Variants in ANXA2 observed in about 807,000 individuals in gnomAD.
ANXA2 encodes annexin A2, also known as annexin II.
ANXA2 carries 28 observed loss-of-function variants against 47.3 expected under a neutral mutation model. The observed-to-expected ratio is 0.59, with a 90% CI of 0.44 to 0.81. The LOEUF (loss-of-function observed/expected upper bound fraction) is 0.81, where lower values mean the gene tolerates loss of function less well. Ranked by LOEUF, ANXA2 falls within the 40% of genes least tolerant of loss-of-function variation. The probability of loss-of-function intolerance (pLI) is 0.00; values close to 1 mark genes in which losing one functional copy is unlikely to be tolerated. For missense variants in ANXA2, 384 were observed against 414.3 expected (o/e 0.93, Z 0.64); for synonymous variants, 172 against 155.5 (o/e 1.11, Z -0.79).
chr15:60,354,006 G>C (rs867200460), intron 8 of ANXA2, 148 bp downstream of exon 8: 5 of 616,896 alleles, frequency 8.1e-6, no homozygotes, highest in South Asian at 2.7e-5. Context: ...CTCAATTCCT[G>C]ACACACAGAA....
At chr15:60,393,412 A>AT (rs2063040213) in intron 1 of ANXA2, 1 of 1,009,690 alleles carries the variant, frequency 9.9e-7, no homozygotes, top group Non-Finnish European at 1.2e-6. Context: ...TATGGCCCAC[A>AT]TATTGTATTT....
chr15:60,355,755 A>C (rs1465405773), intron 7 of ANXA2, 164 bp downstream of exon 7: 1 of 712,364 alleles, frequency 1.4e-6, no homozygotes. Context: ...CCTATTATAC[A>C]AAATTGACAA....
chr15:60,389,503 T>A (rs1443982650), intron 1 of ANXA2, among the ~76,000 whole-genome samples: 1 of 152,206 alleles, frequency 6.6e-6, no homozygotes, highest in Non-Finnish European at 1.5e-5. Context: ...GATAGGCTTC[T>A]TTACACTCTC....
At chr15:60,382,481 T>A in intron 2 of ANXA2, 40 bp from the exon 3 acceptor site, 2 of 1,382,712 alleles carry the variant, frequency 1.4e-6, no homozygotes, top group Non-Finnish European at 2.1e-6. Flanking sequence ...GACACACATT[T>A]AAAATCCTCT....
At chr15:60,372,686 T>A (rs1020053949) in intron 3 of ANXA2, among the ~76,000 whole-genome samples, 24 of 150,732 alleles carry the variant, frequency 1.6e-4, no homozygotes, top group African/African-American at 4.6e-4. Flanking sequence ...AGCTCAACAA[T>A]CTTTCCTTTT....
intron 1 of ANXA2, among the ~76,000 whole-genome samples, chr15:60,389,598 T>C (rs1251645439): frequency 6.6e-6 from 1 of 152,242 alleles, no homozygotes; most frequent in African/African-American, 2.4e-5. Context: ...GGTTTCACCA[T>C]TCATAACTGT....
Position 60,364,535 on chromosome 15 carries a change from C to T in ANXA2, c.149-12G>A. On this transcript the variant is annotated splice_polypyrimidine_tract_variant and intron_variant, in intron 3 of 12. Transcript: ENST00000451270. ...GACCTCATCCACACCTATGGAAATA[C>T]AAGTTGTTAATCGTTACTCAGTATA... The T allele has an allele frequency of 6.2e-7, 1 of 1,602,808 alleles. No individual in the cohort carries two copies. Among genetic ancestry groups the T allele is most frequent in the Non-Finnish European group, 8.5e-7 (1 of 1,175,670 alleles).
chr15:60,356,407 AACT>A (rs1342935474), intron 6 of ANXA2, among the ~76,000 whole-genome samples: 2 of 152,150 alleles, frequency 1.3e-5, no homozygotes, highest in South Asian at 2.1e-4. Context: ...CAGCGGCAAA[AACT>A]ACTAAGAATT....
intron 12 of ANXA2, 133 bp from the exon 13 acceptor site, chr15:60,347,822 C>T: frequency 1.2e-6 from 1 of 801,614 alleles, no homozygotes; most frequent in Non-Finnish European, 2.0e-6. Flanking sequence ...GAGACCTGCC[C>T]TGATACAAAG....
chr15:60,357,659 A>G (rs991722183), intron 5 of ANXA2, among the ~76,000 whole-genome samples: 75 of 152,142 alleles, frequency 4.9e-4, no homozygotes, highest in African/African-American at 1.8e-3. Flanking sequence ...TGGGCATGGT[A>G]GCGGGCGCCT....
At chr15:60,349,333 A>G (rs890403536) in intron 11 of ANXA2, 136 bp from the exon 12 acceptor site, 10 of 831,322 alleles carry the variant, frequency 1.2e-5, no homozygotes, top group Non-Finnish European at 1.3e-5. Flanking sequence ...CAGTGCCGAC[A>G]TGATGCCACA....
intron 1 of ANXA2, chr15:60,393,035 A>G: frequency 7.8e-7 from 1 of 1,287,702 alleles, no homozygotes; most frequent in Admixed American, 2.3e-5. Context: ...TATTTATCAG[A>G]ACCTTTTTGA....
At chr15:60,382,283 A>G in intron 3 of ANXA2, 59 bp downstream of exon 3, 1 of 1,354,858 alleles carries the variant, frequency 7.4e-7, no homozygotes, top group Non-Finnish European at 1.1e-6. Flanking sequence ...GAGAATAAAG[A>G]GACAACCAAA....
At chr15:60,386,154 A>T in intron 1 of ANXA2, 68 bp from the exon 2 acceptor site, 1 of 1,067,632 alleles carries the variant, frequency 9.4e-7, no homozygotes, top group Non-Finnish European at 1.4e-6. Flanking sequence ...ACAGCGATTC[A>T]TTATGCTAAT....
chr15:60,372,159 A>G (rs1893848407), intron 3 of ANXA2, among the ~76,000 whole-genome samples: 1 of 152,150 alleles, frequency 6.6e-6, no homozygotes, highest in African/African-American at 2.4e-5. Flanking sequence ...CAAAATAATA[A>G]TAATAATAAT....
At chr15:60,357,716 C>T (rs2062454252) in intron 5 of ANXA2, among the ~76,000 whole-genome samples, 1 of 152,004 alleles carries the variant, frequency 6.6e-6, no homozygotes, top group African/African-American at 2.4e-5. Context: ...ATGGCGTGAA[C>T]CTGGGAGGTG....
intron 3 of ANXA2, among the ~76,000 whole-genome samples, chr15:60,366,189 C>T (rs1242865353): frequency 6.8e-6 from 1 of 146,638 alleles, no homozygotes; most frequent in East Asian, 2.0e-4. Context: ...GGCGTGATCT[C>T]GGCTCGCTAC....
intron 1 of ANXA2, chr15:60,394,709 AAAAAG>A (rs1387879417): frequency 5.8e-4 from 44 of 75,744 alleles, no homozygotes; most frequent in East Asian, 1.4e-3. Flanking sequence ...AAAAGAAAAA[AAAAAG>A]AAAAAAAAAA....
rs1470497742 is a variant in ANXA2, at chr15:60,361,018, G to A, written c.280C>T (p.His94Tyr). 3 of 1,613,498 alleles carry A rather than the reference G, an allele frequency of 1.9e-6. No individual in the cohort carries two copies. The highest frequency in any genetic ancestry group is 2.5e-6 in the Non-Finnish European group (3 of 1,179,420). The change falls in exon 5 of 13, where the codon CAC becomes TAC. Residue 94 changes from histidine (H) to tyrosine (Y), a missense_variant. Coordinates refer to ENST00000451270, the MANE Select transcript of ANXA2 (RefSeq NM_004039.3). ...ASALKSALSG[H>Y]LETVILGLLK... is the part of the protein sequence containing the mutation. ...AGGCCCAAAATCACCGTCTCCAGGT[G>A]GCCAGATAAGGCTGACTTCAGTGCT...
Sources: gnomAD v4.1 joint callset for allele counts (sites outside exome capture counted in the v4.1 genomes callset) on GRCh38, gnomAD v4.1.1 for gene constraint, MANE v1.5 for transcripts, NCBI Gene and HGNC (gene_info 2026-07-23, HGNC 2026-07-21) for gene names.